Variants in FBN2 observed in about 807,000 individuals in gnomAD.
The protein encoded by FBN2 is fibrillin 2.
Under a neutral mutation model 355.6 loss-of-function variants are expected in FBN2, and 105 were observed. The observed-to-expected ratio is 0.30, with a 90% confidence interval of 0.25 to 0.35. The LOEUF is 0.35. Ranked by LOEUF, FBN2 falls within the 10% of genes least tolerant of loss-of-function variation. The pLI is 1.00. For synonymous variants in FBN2, 1,350 were observed against 1,301.2 expected (o/e 1.04, Z -0.81); for missense variants, 3,280 against 3,758.7 (o/e 0.87, Z 3.33).
intron 17 of FBN2, 122 bp downstream of exon 17, chr5:128,366,254 AT>A (rs397897653): frequency 6.3e-6 from 2 of 317,314 alleles, no homozygotes; most frequent in Non-Finnish European, 1.0e-5. Context: ...CTAGGAGATA[AT>A]TAATCTTATT....
At chr5:128,314,824 G>T (rs1750156800) in intron 36 of FBN2, among the ~76,000 whole-genome samples, 2 of 151,870 alleles carry the variant, frequency 1.3e-5, no homozygotes, top group Admixed American at 6.6e-5. Flanking sequence ...AATGTCTTTT[G>T]TCATACATCT....
intron 5 of FBN2, among the ~76,000 whole-genome samples, chr5:128,490,700 AG>A (rs2127125258): frequency 6.6e-6 from 1 of 152,354 alleles, no homozygotes; most frequent in African/African-American, 2.4e-5. Context: ...GAAAACACTG[AG>A]CATCTAGCAA....
chr5:128,374,805 C>CT, intron 14 of FBN2, 55 bp from the exon 15 acceptor site: 1 of 1,605,184 alleles, frequency 6.2e-7, no homozygotes, highest in Non-Finnish European at 8.5e-7. Flanking sequence ...AACGTTATTA[C>CT]AGGGTTTACT....
intron 7 of FBN2, among the ~76,000 whole-genome samples, chr5:128,436,029 C>A (rs1312117743): frequency 6.6e-6 from 1 of 152,172 alleles, no homozygotes; most frequent in Non-Finnish European, 1.5e-5. Flanking sequence ...GGAGTGACGT[C>A]ACTTCAGTAA....
intron 9 of FBN2, among the ~76,000 whole-genome samples, chr5:128,393,737 T>A (rs1405966351): frequency 6.6e-6 from 1 of 152,220 alleles, no homozygotes; most frequent in East Asian, 1.9e-4. Flanking sequence ...ATCTGTATGG[T>A]TTTACTTACA....
chr5:128,527,837 A>T, intron 4 of FBN2, 35 bp downstream of exon 4: 2 of 1,405,056 alleles, frequency 1.4e-6, no homozygotes, highest in Non-Finnish European at 2.0e-6. Context: ...ATATCCACCA[A>T]ATCAAATGAT....
intron 7 of FBN2, among the ~76,000 whole-genome samples, chr5:128,417,336 C>T (rs1356961150): frequency 2.0e-5 from 3 of 152,020 alleles, no homozygotes; most frequent in Non-Finnish European, 4.4e-5. Flanking sequence ...ATTTGTATGC[C>T]TTTTATTTCT....
At chr5:128,483,292 A>AC (rs1012296287) in intron 5 of FBN2, among the ~76,000 whole-genome samples, 49 of 152,216 alleles carry the variant, frequency 3.2e-4, no homozygotes, top group African/African-American at 1.1e-3. Flanking sequence ...CTGCACATGT[A>AC]CCCCCTGAAT....
intron 7 of FBN2, among the ~76,000 whole-genome samples, chr5:128,438,445 T>C (rs1753832481): frequency 6.6e-6 from 1 of 152,256 alleles, no homozygotes; most frequent in Non-Finnish European, 1.5e-5. Flanking sequence ...TGACAGCAAT[T>C]AATGGGAGGA....
At position 128,350,990 on chromosome 5, in the gene FBN2, G is replaced by A. The variant is rs572347193; in HGVS notation, c.2690C>T (p.Thr897Ile). Residue 897 changes from threonine (T) to isoleucine (I), a missense_variant, in exon 21 of 65, where the codon ACC (threonine) becomes ATC (isoleucine). Transcript: ENST00000262464. ...GLICIDSLKG[T>I]CWLNIQDSRC... ...GCTGTCCTGGATGTTGAGCCAACAG[G>A]TCCCCTTCAGGCTGTCTGAAAAGGA... The A allele has an allele frequency of 1.9e-6, 3 of 1,614,152 alleles. No individual in the cohort carries two copies. Among genetic ancestry groups the A allele is most frequent in the East Asian group, 2.2e-5 (1 of 44,866 alleles).
At position 128,333,010 on chromosome 5, in the gene FBN2, G is replaced by A. The variant is rs768753485; in HGVS notation, c.4124C>T (p.Ala1375Val). The change falls in exon 32 of 65, where the codon GCT becomes GTT. Residue 1375 changes from alanine to valine, a missense_variant. Ala to Val is a moderately conservative substitution (Grantham distance 64, BLOSUM62 0). This residue lies in a region of FBN2 where 2,284 missense variants were observed against 2,749.5 expected (regional missense o/e 0.83). Coordinates refer to ENST00000262464, the MANE Select transcript of FBN2 (RefSeq NM_001999.4). ...CTDVDECEIG[A>V]HNCDMHASCL... ...TGAGGCATGCATGTCGCAGTTATGA[G>A]CACCAATTTCACACTCATCCACATC... 8 of 1,612,528 alleles carry A rather than the reference G, an allele frequency of 5.0e-6. No individual in the cohort carries two copies. The Admixed American group carries it at 1.0e-4, about 20-fold the overall frequency.
chr5:128,392,358 G>A (rs961041406), intron 10 of FBN2, among the ~76,000 whole-genome samples: 5 of 152,186 alleles, frequency 3.3e-5, no homozygotes, highest in Non-Finnish European at 5.9e-5. Context: ...TTAAGTTACA[G>A]ATCTGAAAAT....
chr5:128,447,870 T>C (rs771464846), intron 6 of FBN2, among the ~76,000 whole-genome samples: 10 of 152,156 alleles, frequency 6.6e-5, no homozygotes, highest in Non-Finnish European at 1.3e-4. Flanking sequence ...CTTAGGGAAA[T>C]AGAAAAGAAC....
At position 128,259,767 on chromosome 5, in the gene FBN2, G is replaced by A. The variant is rs1764917822; in HGVS notation, c.8427C>T (p.Leu2809=). ...MDSPVNMKFN[L]SHLGSKEHIL... ...TGTGCTCCTTAGAGCCGAGGTGGGAGAGGTTGAACTTCATGTTGACGGGGC... is the reference window on the plus strand; with the variant it reads ...TGTGCTCCTTAGAGCCGAGGTGGGAAAGGTTGAACTTCATGTTGACGGGGC... Residue 2809 remains leucine, a synonymous_variant, in exon 65 of 65, where the codon CTC becomes CTT. Transcript: ENST00000262464. 1 of 1,613,866 alleles carries A rather than the reference G, an allele frequency of 6.2e-7. No individual in the cohort carries two copies. The highest frequency in any genetic ancestry group is 8.5e-7 in the Non-Finnish European group (1 of 1,179,952).
At chr5:128,418,070 A>C (rs1753250601) in intron 7 of FBN2, among the ~76,000 whole-genome samples, 1 of 152,102 alleles carries the variant, frequency 6.6e-6, no homozygotes, top group South Asian at 2.1e-4. Flanking sequence ...GTATGTGTCC[A>C]CAGATTTATC....
chr5:128,413,610 A>G (rs950678988), intron 7 of FBN2, among the ~76,000 whole-genome samples: 4 of 152,138 alleles, frequency 2.6e-5, no homozygotes, highest in African/African-American at 9.7e-5. Context: ...TCTTACACTA[A>G]ACGGAATATA....
intron 6 of FBN2, among the ~76,000 whole-genome samples, chr5:128,454,379 C>T (rs1391642245): frequency 2.6e-5 from 4 of 152,066 alleles, no homozygotes; most frequent in African/African-American, 7.2e-5. Context: ...TTAGGAATAA[C>T]TTGTGTTAAT....
intron 33 of FBN2, 83 bp downstream of exon 33, chr5:128,330,490 A>T: frequency 6.9e-7 from 1 of 1,457,788 alleles, no homozygotes; most frequent in Non-Finnish European, 9.6e-7. Context: ...TGTCTCCTTT[A>T]ATTATAATTT....
At chr5:128,293,618 G>A (rs978469353) in intron 48 of FBN2, among the ~76,000 whole-genome samples, 5 of 152,052 alleles carry the variant, frequency 3.3e-5, no homozygotes, top group Middle Eastern at 3.2e-3. Flanking sequence ...ATATCTTAAT[G>A]AAATAAAAGC....
Sources: gnomAD v4.1 joint callset for allele counts (sites outside exome capture counted in the v4.1 genomes callset) on GRCh38, gnomAD v4.1.1 for gene constraint, gnomAD v4.1.1 regional missense constraint, MANE v1.5 for transcripts, NCBI Gene and HGNC (gene_info 2026-07-23, HGNC 2026-07-21) for gene names.